ABL1: variants seen among roughly 807,000 people sequenced by gnomAD.
The protein encoded by ABL1 is tyrosine-protein kinase ABL1.
In ABL1, 11 loss-of-function variants were observed where a neutral mutation model predicts 94.7. The ratio of observed to expected loss-of-function variants is 0.12; its 90% confidence interval spans 0.07 to 0.19. The LOEUF (loss-of-function observed/expected upper bound fraction) is 0.19, where lower values mean the gene tolerates loss of function less well. ABL1 is among the 10% of genes least tolerant of loss of function. The pLI is 1.00. For synonymous variants in ABL1, 656 were observed against 622.4 expected (o/e 1.05, Z -0.80); for missense variants, 1,082 against 1,489.4 (o/e 0.73, Z 4.50).
chr9:130,786,154 T>C (rs1829822930), intron 1 of ABL1, among the ~76,000 whole-genome samples: 1 of 152,176 alleles, frequency 6.6e-6, no homozygotes, highest in African/African-American at 2.4e-5. Flanking sequence ...GAGCCTTTGT[T>C]GGGCTTCTGT....
intron 1 of ABL1, among the ~76,000 whole-genome samples, chr9:130,756,324 T>C (rs2132738696): frequency 9.3e-6 from 1 of 107,792 alleles, no homozygotes; most frequent in East Asian, 3.1e-4. Flanking sequence ...GTATGGAAGT[T>C]TTAATTTTTT....
Position 130,863,866 on chromosome 9 carries a change from A to C in ABL1, c.822+831A>C, listed in dbSNP as rs1831114493. On this transcript the variant is annotated intron_variant, in intron 4 of 10. Coordinates refer to ENST00000318560, the MANE Select transcript of ABL1 (RefSeq NM_005157.6). This position sits in a 1 kb window ranked among gnomAD's most constrained non-coding sequence, Gnocchi z 4.3. Reference sequence around the variant, plus strand: ...TTACCTTGACCTGTGCACAGAAATCAAGAGAGGCAGCCCCTTTTTAGAGCT... The same window carrying C: ...TTACCTTGACCTGTGCACAGAAATCCAGAGAGGCAGCCCCTTTTTAGAGCT... Among the ~76,000 whole-genome samples, 1 of 152,214 alleles carries C rather than the reference A, an allele frequency of 6.6e-6. No individual in the cohort carries two copies. The highest frequency in any genetic ancestry group is 2.1e-4 in the South Asian group (1 of 4,830).
At position 130,872,262 on chromosome 9, in the gene ABL1, G is replaced by A; in HGVS notation, c.907+49G>A. On this transcript the variant is annotated intron_variant, in intron 5 of 10. Transcript: ENST00000318560. The surrounding 1 kb of genome is among the most constrained non-coding windows in gnomAD (Gnocchi z 5.0). ...GAGAGGGTCTCGCGCCGCACCCCCAGGGTGACACAGGCGCTGGGGAAGACG... is the reference window on the plus strand; with the variant it reads ...GAGAGGGTCTCGCGCCGCACCCCCAAGGTGACACAGGCGCTGGGGAAGACG... 1 of 1,547,950 alleles carries A rather than the reference G, an allele frequency of 6.5e-7. No homozygotes were observed. The highest frequency in any genetic ancestry group is 1.4e-5 in the African/African-American group (1 of 73,584).
chr9:130,858,345 G>A (rs1416193233), intron 3 of ABL1, among the ~76,000 whole-genome samples: 1 of 152,176 alleles, frequency 6.6e-6, no homozygotes, highest in Non-Finnish European at 1.5e-5. Context: ...GTATGTGCCA[G>A]GTGGGTTTGT....
At chr9:130,717,531 T>TA (rs1252179795) in intron 1 of ABL1, among the ~76,000 whole-genome samples, 1 of 149,950 alleles carries the variant, frequency 6.7e-6, no homozygotes, top group Non-Finnish European at 1.5e-5. Flanking sequence ...AGTGAGATCT[T>TA]ACCTCTACAG....
chr9:130,856,400 C>T (rs1830976173), intron 3 of ABL1, among the ~76,000 whole-genome samples: 3 of 152,020 alleles, frequency 2.0e-5, no homozygotes, highest in African/African-American at 7.2e-5. Context: ...TTTTGTATTT[C>T]CAGTAGAGAC....
At chr9:130,834,044 G>C (rs528162633), upstream of ABL1, 310 of 456,088 alleles carry the variant, frequency 6.8e-4, no homozygotes, top group Non-Finnish European at 1.3e-3. Flanking sequence ...GCAGACCTGG[G>C]TTGAGTCCAT....
intron 4 of ABL1, among the ~76,000 whole-genome samples, chr9:130,870,933 A>G (rs1030887959): frequency 3.3e-5 from 5 of 152,330 alleles, no homozygotes. Context: ...CCTCCCCCAC[A>G]GCAGGGTGGG....
At chr9:130,840,549 T>A (rs1830655594) in intron 1 of ABL1, among the ~76,000 whole-genome samples, 1 of 152,190 alleles carries the variant, frequency 6.6e-6, no homozygotes, top group Non-Finnish European at 1.5e-5. Context: ...GAACTAAAGA[T>A]CAAATGGGAT....
chr9:130,850,943 TGA>T (rs1334564142), intron 1 of ABL1, among the ~76,000 whole-genome samples: 10 of 151,926 alleles, frequency 6.6e-5, no homozygotes, highest in African/African-American at 2.2e-4. Context: ...TTTGTTTTTT[TGA>T]GAGAGTCTCG....
At chr9:130,851,985 G>T (rs1170181317) in intron 1 of ABL1, among the ~76,000 whole-genome samples, 1 of 151,766 alleles carries the variant, frequency 6.6e-6, no homozygotes, top group Non-Finnish European at 1.5e-5. Flanking sequence ...TGCCATGTTG[G>T]CCAGGCTGGT....
chr9:130,716,017 T>C (rs1831432897), intron 1 of ABL1, among the ~76,000 whole-genome samples: 1 of 139,876 alleles, frequency 7.1e-6, no homozygotes, highest in Admixed American at 7.3e-5. Context: ...ACAAACTAAA[T>C]ATATATATAC....
chr9:130,790,549 T>A (rs1829895616), intron 1 of ABL1, among the ~76,000 whole-genome samples: 1 of 152,032 alleles, frequency 6.6e-6, no homozygotes, highest in Non-Finnish European at 1.5e-5. Context: ...AGTGGTCTGA[T>A]CATAGCTCAT....
intron 10 of ABL1, among the ~76,000 whole-genome samples, chr9:130,883,323 C>T (rs535302140): frequency 8.7e-4 from 133 of 152,222 alleles, no homozygotes; most frequent in Middle Eastern, 3.4e-3. Flanking sequence ...CATGGTGAAA[C>T]CCCGTCTCTA....
At chr9:130,755,392 C>T (rs1026174209) in intron 1 of ABL1, among the ~76,000 whole-genome samples, 3 of 152,118 alleles carry the variant, frequency 2.0e-5, no homozygotes, top group Non-Finnish European at 4.4e-5. Context: ...TGTAGTTCCT[C>T]CTTGTGCAGA....
intron 1 of ABL1, among the ~76,000 whole-genome samples, chr9:130,720,535 AG>A (rs1831501452): frequency 1.3e-5 from 2 of 152,204 alleles, no homozygotes; most frequent in South Asian, 2.1e-4. Context: ...GGTAAAATGG[AG>A]GGTGGGAAGA....
intron 1 of ABL1, among the ~76,000 whole-genome samples, chr9:130,750,969 T>C (rs951154572): frequency 6.6e-6 from 1 of 151,464 alleles, no homozygotes; most frequent in Admixed American, 6.6e-5. Context: ...TCTATTCAGC[T>C]TTTTTGGTAG....
At chr9:130,829,045 A>G (rs1830462083) in intron 1 of ABL1, among the ~76,000 whole-genome samples, 1 of 152,242 alleles carries the variant, frequency 6.6e-6, no homozygotes, top group Admixed American at 6.5e-5. Flanking sequence ...AGGAACCAGA[A>G]TGGGATTGCA....
Position 130,863,117 on chromosome 9 carries a change from C to G in ABL1, c.822+82C>G. On this transcript the variant is annotated intron_variant, in intron 4 of 10. Transcript: ENST00000318560. The surrounding 1 kb of genome is among the most constrained non-coding windows in gnomAD (Gnocchi z 4.3). ...TTAGGCGATGCATCTGCCTGGAAGT[C>G]TACCTCCTGCCTGCTGTCCGAGGGC... 1 of 1,441,966 alleles carries G rather than the reference C, an allele frequency of 6.9e-7. No homozygotes were observed. The highest frequency in any genetic ancestry group is 9.2e-7 in the Non-Finnish European group (1 of 1,082,402). The allele number at this position is 1,441,966 out of a possible 1,614,324, so 89.3% of individuals were successfully genotyped here. A position where few individuals can be genotyped will look rare whatever the true frequency, so the allele number is the denominator to read the frequency against.
Sources: gnomAD v4.1 joint callset for allele counts (sites outside exome capture counted in the v4.1 genomes callset) on GRCh38, gnomAD v4.1.1 for gene constraint, Gnocchi (gnomAD v3.1) non-coding constraint, MANE v1.5 for transcripts, NCBI Gene and HGNC (gene_info 2026-07-23, HGNC 2026-07-21) for gene names.